The following THOC1 variants were observed in gnomAD, a reference collection of about 807,000 sequenced individuals.
THOC1 encodes THO complex 1.
Under a neutral mutation model 97.3 loss-of-function variants are expected in THOC1, and 29 were observed. That is an observed-to-expected ratio of 0.30 (90% confidence interval 0.22 to 0.41). The LOEUF (loss-of-function observed/expected upper bound fraction) is 0.41. THOC1 is among the 10% of genes least tolerant of loss of function. The pLI is 1.00. For synonymous variants in THOC1, 255 were observed against 257.0 expected (o/e 0.99, Z 0.07); for missense variants, 529 against 761.9 (o/e 0.69, Z 3.60).
At chr18:220,480 A>G (rs1911039802) in intron 17 of THOC1, among the ~76,000 whole-genome samples, 1 of 152,240 alleles carries the variant, frequency 6.6e-6, no homozygotes, top group Admixed American at 6.5e-5. Flanking sequence ...TGGGGCACAG[A>G]CATCTTTAAC....
chr18:246,314 A>G lies in THOC1; in HGVS notation c.918+10T>C, dbSNP rs1378704784. 10 of 1,526,760 alleles carry G rather than the reference A, an allele frequency of 6.5e-6. No individual in the cohort carries two copies. Among genetic ancestry groups the G allele is most frequent in the Non-Finnish European group, 8.0e-6 (9 of 1,121,408 alleles). The allele number at this position is 1,526,760 out of a possible 1,614,324, so 94.6% of individuals were successfully genotyped here. A position where few individuals can be genotyped will look rare whatever the true frequency, so the allele number is the denominator to read the frequency against. On this transcript the variant is annotated intron_variant, in intron 11 of 20. Coordinates refer to ENST00000261600, the MANE Select transcript of THOC1 (RefSeq NM_005131.3). ...TCTTATTATGCTTAATGAAAAAGAA[A>G]AACTTATACCTTTTCACTTGTTAAA...
In THOC1 at chr18:254,181, G is replaced by T; in HGVS notation, c.603+92C>A. 1 of 889,456 alleles carries T rather than the reference G, an allele frequency of 1.1e-6. No homozygotes were observed. Among genetic ancestry groups the T allele is most frequent in the South Asian group, 1.4e-5 (1 of 69,988 alleles). The allele number at this position is 889,456 out of a possible 1,614,324, so 55.1% of individuals were successfully genotyped here. On this transcript the variant is annotated intron_variant, in intron 8 of 20. Transcript: ENST00000261600. This position sits in a 1 kb window ranked among gnomAD's most constrained non-coding sequence, Gnocchi z 4.1. ...CCCACCTCAGCCTCCCAAAGTGCTAGGATTACAAGTGTGAGCCACTGTGCC... is the reference window on the plus strand; with the variant it reads ...CCCACCTCAGCCTCCCAAAGTGCTATGATTACAAGTGTGAGCCACTGTGCC...
At chr18:226,214 T>C (rs1911280157) in intron 12 of THOC1, 1 of 152,302 alleles carries the variant, frequency 6.6e-6, no homozygotes, top group Non-Finnish European at 1.5e-5. Flanking sequence ...CAGCAGGTAG[T>C]GAAGTCATTA....
chr18:220,233 G>A (rs540392487), intron 17 of THOC1, among the ~76,000 whole-genome samples: 6 of 152,210 alleles, frequency 3.9e-5, no homozygotes, highest in Admixed American at 2.0e-4. Context: ...TAGGCACTGG[G>A]CCTTCAAACT....
At chr18:219,164 G>A in intron 17 of THOC1, among the ~76,000 whole-genome samples, 195 bp from the exon 18 acceptor site, 1 of 30,716 alleles carries the variant, frequency 3.3e-5, no homozygotes, top group African/African-American at 1.5e-4. Flanking sequence ...TGTGTTCCCT[G>A]AGCGGTACAA....
intron 4 of THOC1, among the ~76,000 whole-genome samples, chr18:261,559 G>A (rs574088837): frequency 3.2e-4 from 48 of 152,288 alleles, no homozygotes; most frequent in African/African-American, 1.1e-3. Flanking sequence ...CTCCACTAAT[G>A]AGCATGATTC....
chr18:225,797 A>C (rs1598290728), intron 12 of THOC1: 1 of 158,720 alleles, frequency 6.3e-6, no homozygotes, highest in Non-Finnish European at 1.4e-5. Context: ...CGAATAAAAC[A>C]CCCAAACCCT....
intron 11 of THOC1, among the ~76,000 whole-genome samples, chr18:235,916 A>G (rs1911664542): frequency 6.6e-6 from 1 of 152,232 alleles, no homozygotes. Flanking sequence ...CATCAGAAGC[A>G]GTTAAAAATA....
chr18:247,835 C>G lies in THOC1; in HGVS notation c.786+14G>C. On this transcript the variant is annotated intron_variant, in intron 10 of 20. Transcript: ENST00000261600. ...AAATACTGGGCTTCTGATAGTCTGT[C>G]AATGGCAACTTACCTTGAGAAAAGT... 1 of 1,526,920 alleles carries G rather than the reference C, an allele frequency of 6.5e-7. No individual in the cohort carries two copies. Among genetic ancestry groups the G allele is most frequent in the Non-Finnish European group, 9.0e-7 (1 of 1,105,390 alleles). 94.6% of individuals were successfully genotyped at this position (1,526,920 alleles called of 1,614,324 possible).
chr18:236,828 C>T lies in THOC1; in HGVS notation c.918+9496G>A, dbSNP rs572432163. 2.6e-5 allele frequency among the ~76,000 whole-genome samples: 4 copies of T among 152,228 alleles called. No homozygotes were observed. The South Asian group carries it at 8.3e-4, about 32-fold the overall frequency. Reference sequence around the variant, plus strand: ...AGTGAGGTACAGTACACAAAAGGATCGCTTCTATTAACCTTGAGTTAGTTC... The same window carrying T: ...AGTGAGGTACAGTACACAAAAGGATTGCTTCTATTAACCTTGAGTTAGTTC... On this transcript the variant is annotated intron_variant, in intron 11 of 20. Coordinates refer to ENST00000261600, the MANE Select transcript of THOC1 (RefSeq NM_005131.3).
intron 11 of THOC1, among the ~76,000 whole-genome samples, chr18:233,414 T>C (rs1911561270): frequency 1.3e-5 from 2 of 152,084 alleles, no homozygotes; most frequent in Admixed American, 6.6e-5. Flanking sequence ...TGGAGAAACC[T>C]TGTCTCTATT....
chr18:224,022 A>T, intron 16 of THOC1, 62 bp downstream of exon 16: 1 of 1,211,408 alleles, frequency 8.3e-7, no homozygotes, highest in South Asian at 1.3e-5. Context: ...GAGTTCTTAA[A>T]GTAACATCTT....
intron 11 of THOC1, among the ~76,000 whole-genome samples, chr18:231,056 T>C (rs1911469697): frequency 6.6e-6 from 1 of 152,182 alleles, no homozygotes; most frequent in African/African-American, 2.4e-5. Context: ...CTGGCCCAAA[T>C]GTTTCTTTGT....
intron 1 of THOC1, 109 bp downstream of exon 1, chr18:267,857 G>T: frequency 8.5e-7 from 1 of 1,172,734 alleles, no homozygotes; most frequent in Non-Finnish European, 1.2e-6. Flanking sequence ...CGCTGAGGCG[G>T]ACACACCTCT....
chr18:248,160 G>C (rs1912155948), intron 9 of THOC1, among the ~76,000 whole-genome samples: 1 of 152,160 alleles, frequency 6.6e-6, no homozygotes, highest in South Asian at 2.1e-4. Context: ...TATCTACACT[G>C]GTGGAGCCCC....
At chr18:233,612 T>C (rs1911571242) in intron 11 of THOC1, among the ~76,000 whole-genome samples, 1 of 152,160 alleles carries the variant, frequency 6.6e-6, no homozygotes, top group Non-Finnish European at 1.5e-5. Context: ...AAATAATTCA[T>C]CCTTTCCTCA....
In THOC1 at chr18:259,379, A is replaced by C. The variant is rs183214748; in HGVS notation, c.425-104T>G. Reference sequence around the variant, plus strand: ...CCAGTGTGTCAAGAGTATTTTCCTAAAGCAGTAGTTCTTAAATTGGGGGCC... The same window carrying C: ...CCAGTGTGTCAAGAGTATTTTCCTACAGCAGTAGTTCTTAAATTGGGGGCC... On this transcript the variant is annotated intron_variant, in intron 6 of 20. Coordinates refer to ENST00000261600, the MANE Select transcript of THOC1 (RefSeq NM_005131.3). 3.5e-5 allele frequency: 34 copies of C among 963,156 alleles called. No homozygotes were observed. In the Admixed American group the frequency reaches 1.0e-3, roughly 30 times the overall value. 59.7% of individuals were successfully genotyped at this position (963,156 alleles called of 1,614,324 possible).
At chr18:246,543 CCA>C in intron 10 of THOC1, 88 bp from the exon 11 acceptor site, 1 of 1,142,952 alleles carries the variant, frequency 8.7e-7, no homozygotes. Flanking sequence ...GAATTTACTC[CCA>C]GTCAATCATG....
intron 4 of THOC1, among the ~76,000 whole-genome samples, chr18:261,391 A>G (rs141564918): frequency 2.0e-5 from 3 of 152,364 alleles, no homozygotes; most frequent in Non-Finnish European, 2.9e-5. Context: ...AAAGGAAGAA[A>G]TATTTCCAGC....
Sources: gnomAD v4.1 joint callset for allele counts (sites outside exome capture counted in the v4.1 genomes callset) on GRCh38, gnomAD v4.1.1 for gene constraint, Gnocchi (gnomAD v3.1) non-coding constraint, MANE v1.5 for transcripts, NCBI Gene and HGNC (gene_info 2026-07-23, HGNC 2026-07-21) for gene names.